Variants in TBC1D15 observed in about 807,000 individuals in gnomAD.
The protein encoded by TBC1D15 is TBC1 domain family member 15.
Under a neutral mutation model 95.4 loss-of-function variants are expected in TBC1D15, and 39 were observed. The ratio of observed to expected loss-of-function variants is 0.41; its 90% confidence interval spans 0.32 to 0.53. The LOEUF is 0.53. Ranked by LOEUF, TBC1D15 falls within the 20% of genes least tolerant of loss-of-function variation. TBC1D15 has a pLI of 0.29. For synonymous variants in TBC1D15, 258 were observed against 261.3 expected (o/e 0.99, Z 0.12); for missense variants, 733 against 794.3 (o/e 0.92, Z 0.93).
rs79593318 is a variant in TBC1D15 at position 71,899,941 on chromosome 12, A to G, written c.1183+2000A>G. On this transcript the variant is annotated intron_variant, in intron 10 of 16. Coordinates refer to ENST00000485960, the MANE Select transcript of TBC1D15 (RefSeq NM_001146213.3). ...GCCACTACACTCCGGCCTGGGTGAC[A>G]GAGCGAGACCCCTTCTCAAAACAAA... is the stretch of plus-strand genomic sequence containing the variant. 1.5e-4 allele frequency among the ~76,000 whole-genome samples: 23 copies of G among 152,284 alleles called. No individual in the cohort carries two copies. In the East Asian group the frequency reaches 4.4e-3, roughly 29 times the overall value.
At chr12:71,854,764 C>T (rs1329389207) in intron 1 of TBC1D15, 1 of 456,392 alleles carries the variant, frequency 2.2e-6, no homozygotes, top group Admixed American at 2.4e-5. Flanking sequence ...GCATTCCTCT[C>T]CCCCCCACCT....
intron 10 of TBC1D15, among the ~76,000 whole-genome samples, chr12:71,905,870 T>C (rs1592806050): frequency 1.3e-5 from 2 of 152,120 alleles, no homozygotes; most frequent in East Asian, 3.9e-4. Context: ...CCTTATCTTT[T>C]TTTTAATTAT....
intron 6 of TBC1D15, among the ~76,000 whole-genome samples, chr12:71,893,525 CAG>C (rs1294189138): frequency 2.0e-5 from 3 of 151,742 alleles, no homozygotes; most frequent in Admixed American, 1.3e-4. Flanking sequence ...TTGCAAGACT[CAG>C]AGGCTTCCTT....
At chr12:71,892,386 G>A (rs1425577787) in intron 5 of TBC1D15, among the ~76,000 whole-genome samples, 1 of 151,958 alleles carries the variant, frequency 6.6e-6, no homozygotes, top group East Asian at 1.9e-4. Context: ...TAAACAGGAG[G>A]TGTATAGCAG....
At chr12:71,865,255 A>G (rs1891241549) in intron 1 of TBC1D15, among the ~76,000 whole-genome samples, 1 of 152,158 alleles carries the variant, frequency 6.6e-6, no homozygotes, top group African/African-American at 2.4e-5. Flanking sequence ...AGGATGTATG[A>G]CACTGAGTCA....
intron 15 of TBC1D15, 68 bp from the exon 16 acceptor site, chr12:71,921,300 T>C: frequency 2.5e-6 from 2 of 789,176 alleles, no homozygotes. Context: ...GGTAATAAAT[T>C]GTTTATATAA....
intron 3 of TBC1D15, among the ~76,000 whole-genome samples, chr12:71,877,011 A>G (rs1453362312): frequency 6.6e-6 from 1 of 151,878 alleles, no homozygotes; most frequent in Non-Finnish European, 1.5e-5. Flanking sequence ...AGGTTTCACC[A>G]TGTTGGCCAG....
intron 1 of TBC1D15, chr12:71,849,832 C>T: frequency 1.8e-6 from 1 of 555,124 alleles, no homozygotes; most frequent in South Asian, 1.5e-5. Flanking sequence ...AGACTTTTGC[C>T]ATTCTGTAGT....
chr12:71,849,376 A>G lies in TBC1D15; in HGVS notation c.30+9565A>G, dbSNP rs945577642. Reference sequence around the variant, plus strand: ...TAGCTGTTGTCCAAGGAATGAAAGCAGGCGCCTCCAGCTGAGCCACTTCCC... The same window carrying G: ...TAGCTGTTGTCCAAGGAATGAAAGCGGGCGCCTCCAGCTGAGCCACTTCCC... On this transcript the variant is annotated intron_variant, in intron 1 of 16. Coordinates refer to ENST00000485960, the MANE Select transcript of TBC1D15 (RefSeq NM_001146213.3). 13 of 1,388,210 alleles carry G rather than the reference A, an allele frequency of 9.4e-6. No homozygotes were observed. In the African/African-American group the frequency reaches 1.4e-4, roughly 15 times the overall value. The allele number at this position is 1,388,210 out of a possible 1,614,324, so 86.0% of individuals were successfully genotyped here.
chr12:71,885,435 A>T (rs1342534727), intron 5 of TBC1D15, among the ~76,000 whole-genome samples: 1 of 152,202 alleles, frequency 6.6e-6, no homozygotes, highest in African/African-American at 2.4e-5. Flanking sequence ...CAGTTGGAAG[A>T]CAGGGCCTTA....
chr12:71,899,922 A>G (rs1489389893), intron 10 of TBC1D15, among the ~76,000 whole-genome samples: 2 of 152,084 alleles, frequency 1.3e-5, no homozygotes, highest in Non-Finnish European at 2.9e-5. Flanking sequence ...TTGTGCCACT[A>G]CACTCCGGCC....
At chr12:71,880,291 C>CTTT (rs534954705) in intron 3 of TBC1D15, among the ~76,000 whole-genome samples, 178 bp from the exon 4 acceptor site, 1 of 136,582 alleles carries the variant, frequency 7.3e-6, no homozygotes, top group African/African-American at 2.6e-5. Context: ...GCTTCTCTTC[C>CTTT]TTTTTTTTTT....
At chr12:71,861,355 G>C (rs1260403292) in intron 1 of TBC1D15, 2 of 1,000,456 alleles carry the variant, frequency 2.0e-6, no homozygotes, top group Non-Finnish European at 2.7e-6. Context: ...TTTAATGGGA[G>C]ACTTTTCATT....
intron 4 of TBC1D15, among the ~76,000 whole-genome samples, chr12:71,884,589 A>G (rs1399661845): frequency 6.6e-6 from 1 of 152,158 alleles, no homozygotes; most frequent in African/African-American, 2.4e-5. Flanking sequence ...CATAGGAATA[A>G]CATTTAAAAC....
intron 10 of TBC1D15, among the ~76,000 whole-genome samples, chr12:71,900,342 T>A (rs1002407199): frequency 6.6e-6 from 1 of 152,132 alleles, no homozygotes; most frequent in Admixed American, 6.5e-5. Flanking sequence ...TCCCAGTTTT[T>A]AAAGCAGTGG....
chr12:71,871,981 TATG>T (rs1892802871), intron 1 of TBC1D15, 86 bp from the exon 2 acceptor site: 2 of 514,646 alleles, frequency 3.9e-6, no homozygotes, highest in African/African-American at 2.0e-5. Context: ...CTTGGCCAAG[TATG>T]ATAAGAAAAT....
Position 71,917,781 on chromosome 12 carries a change from A to G in TBC1D15, c.1485A>G (p.Gly495=), listed in dbSNP as rs185180475. The G allele has an allele frequency of 7.0e-4, 1,125 of 1,611,786 alleles. 3 individuals are homozygous for G. Among genetic ancestry groups the G allele is most frequent in the South Asian group, 1.1e-3 (97 of 90,826 alleles). The change falls in exon 13 of 17, where the codon GGA becomes GGG. Residue 495 remains glycine (G), a synonymous_variant. Coordinates refer to ENST00000485960, the MANE Select transcript of TBC1D15 (RefSeq NM_001146213.3). ...LSTLLRLLDS[G]FCSYLESQDS... is the part of the protein sequence containing the mutation. ...CCTTACTTCGATTGTTAGACAGTGGATTTTGCAGTTACTTAGGTAAGTTTA... is the reference window on the plus strand; with the variant it reads ...CCTTACTTCGATTGTTAGACAGTGGGTTTTGCAGTTACTTAGGTAAGTTTA...
Position 71,923,519 on chromosome 12 carries a change from AC to A in TBC1D15, c.*316del, listed in dbSNP as rs529081506. 1.7e-3 allele frequency: 406 copies of A among 243,512 alleles called. 2 individuals are homozygous for A. The highest frequency in any genetic ancestry group is 8.9e-3 in the African/African-American group (396 of 44,510). 15.1% of individuals were successfully genotyped at this position (243,512 alleles called of 1,614,324 possible). A position where few individuals can be genotyped will look rare whatever the true frequency, so the allele number is the denominator to read the frequency against. On this transcript the variant is annotated 3_prime_UTR_variant, in exon 17 of 17. Coordinates refer to ENST00000485960, the MANE Select transcript of TBC1D15 (RefSeq NM_001146213.3). ...AGTTGGAAATTATGCACTTTGAAAA[AC>A]ATTCACTTTGTTTAAGCTTATTGGG... is the stretch of plus-strand genomic sequence containing the variant.
chr12:71,867,037 A>G (rs953016950), intron 1 of TBC1D15, among the ~76,000 whole-genome samples: 3 of 152,248 alleles, frequency 2.0e-5, no homozygotes, highest in Admixed American at 6.5e-5. Flanking sequence ...TTGAAGGACT[A>G]CAATATTCAA....
Sources: gnomAD v4.1 joint callset for allele counts (sites outside exome capture counted in the v4.1 genomes callset) on GRCh38, gnomAD v4.1.1 for gene constraint, MANE v1.5 for transcripts, NCBI Gene and HGNC (gene_info 2026-07-23, HGNC 2026-07-21) for gene names.